Variants in VRK2 observed in about 807,000 individuals in gnomAD.
VRK2 encodes serine/threonine-protein kinase VRK2.
A neutral mutation model predicts 57.6 loss-of-function variants in VRK2; 60 were observed. The ratio of observed to expected loss-of-function variants is 1.04; its 90% CI spans 0.85 to 1.29. The LOEUF is 1.29. Among genes scored for constraint, VRK2 ranks in the 50% most tolerant of loss-of-function variants. The probability of loss-of-function intolerance (pLI) is 0.00; values close to 1 mark genes in which losing one functional copy is unlikely to be tolerated. For missense variants in VRK2, 705 were observed against 588.1 expected (o/e 1.20, Z -2.06); for synonymous variants, 231 against 199.2 (o/e 1.16, Z -1.35).
chr2:58,148,802 T>G (rs1032067299), intron 12 of VRK2, among the ~76,000 whole-genome samples: 1 of 151,900 alleles, frequency 6.6e-6, no homozygotes. Context: ...TTTTCAAAAG[T>G]CAGCTAACTG....
intron 2 of VRK2, among the ~76,000 whole-genome samples, chr2:58,059,106 ATAT>A (rs1488729644): frequency 2.0e-5 from 3 of 152,044 alleles, no homozygotes; most frequent in African/African-American, 4.8e-5. Context: ...TATGTTTTTG[ATAT>A]TATTAAGATC....
intron 1 of VRK2, among the ~76,000 whole-genome samples, chr2:57,934,950 T>C (rs369866937): frequency 1.3e-5 from 2 of 152,210 alleles, no homozygotes; most frequent in East Asian, 3.8e-4. Context: ...TTAATTGAAT[T>C]TCTTGTTTTG....
chr2:58,017,413 C>T (rs1024702847), intron 1 of VRK2, among the ~76,000 whole-genome samples: 1 of 152,214 alleles, frequency 6.6e-6, no homozygotes, highest in Non-Finnish European at 1.5e-5. Flanking sequence ...CACAGGCAAA[C>T]TTCCTCCATC....
intron 1 of VRK2, among the ~76,000 whole-genome samples, chr2:57,994,739 C>A (rs1288109817): frequency 6.7e-6 from 1 of 149,570 alleles, no homozygotes; most frequent in Non-Finnish European, 1.5e-5. Context: ...TGCTATTTTA[C>A]AAATTAAACC....
intron 7 of VRK2, among the ~76,000 whole-genome samples, chr2:58,103,801 A>G (rs1178126906): frequency 6.6e-6 from 1 of 151,738 alleles, no homozygotes; most frequent in Non-Finnish European, 1.5e-5. Flanking sequence ...CAAAAAAGAA[A>G]ACGTTGGATC....
At chr2:57,918,236 A>G (rs1015403565) in intron 1 of VRK2, among the ~76,000 whole-genome samples, 1 of 152,122 alleles carries the variant, frequency 6.6e-6, no homozygotes, top group Non-Finnish European at 1.5e-5. Context: ...CTTCCTTTCC[A>G]TATCCTTGGC....
intron 1 of VRK2, among the ~76,000 whole-genome samples, chr2:58,019,367 A>T (rs1673680091): frequency 6.6e-6 from 1 of 152,198 alleles, no homozygotes; most frequent in Admixed American, 6.5e-5. Flanking sequence ...ACATGTAAAC[A>T]TTATGCAATA....
At chr2:57,918,331 A>T (rs1008793379) in intron 1 of VRK2, among the ~76,000 whole-genome samples, 2 of 131,406 alleles carry the variant, frequency 1.5e-5, no homozygotes, top group Non-Finnish European at 3.1e-5. Context: ...GCTCATGCTA[A>T]TGCCACTTTT....
chr2:58,042,656 T>C (rs905438635), upstream of VRK2, among the ~76,000 whole-genome samples: 1 of 152,228 alleles, frequency 6.6e-6, no homozygotes, highest in Non-Finnish European at 1.5e-5. Context: ...GTAAGCATTT[T>C]ATAGCACCCA....
intron 2 of VRK2, among the ~76,000 whole-genome samples, chr2:58,059,778 A>T (rs1307105549): frequency 6.6e-6 from 1 of 151,796 alleles, no homozygotes; most frequent in East Asian, 1.9e-4. Context: ...TAGACAACAG[A>T]TAGTTATTAG....
chr2:58,026,139 A>G (rs1177927058), intron 2 of VRK2, among the ~76,000 whole-genome samples: 1 of 152,052 alleles, frequency 6.6e-6, no homozygotes, highest in African/African-American at 2.4e-5. Flanking sequence ...CACTTGTTCC[A>G]TTGCATAATG....
At chr2:57,970,420 G>C (rs1232168557) in intron 1 of VRK2, among the ~76,000 whole-genome samples, 1 of 150,984 alleles carries the variant, frequency 6.6e-6, no homozygotes, top group East Asian at 1.9e-4. Flanking sequence ...AAAAGATCTT[G>C]GCTTGAATTC....
At chr2:58,097,630 G>T (rs1381814764) in intron 7 of VRK2, among the ~76,000 whole-genome samples, 5 of 152,040 alleles carry the variant, frequency 3.3e-5, no homozygotes, top group Non-Finnish European at 5.9e-5. Flanking sequence ...TACAACAGTG[G>T]TCCTGTAAGA....
At chr2:58,006,661 G>T (rs967507585) in intron 1 of VRK2, among the ~76,000 whole-genome samples, 1 of 152,126 alleles carries the variant, frequency 6.6e-6, no homozygotes, top group Non-Finnish European at 1.5e-5. Context: ...CAAGAGGCAG[G>T]ATTCAATCTC....
At chr2:58,003,648 CT>C (rs1479978856) in intron 1 of VRK2, among the ~76,000 whole-genome samples, 4 of 151,992 alleles carry the variant, frequency 2.6e-5, no homozygotes, top group Non-Finnish European at 5.9e-5. Flanking sequence ...TGTCCTCTAC[CT>C]TTTCTGGCAA....
rs1558614915 is a variant in VRK2 at position 58,084,955 on chromosome 2, GTAAAATTAGCAAAGCAAGCTACTTCCA to G, written c.256+8_256+34del. 6.4e-7 allele frequency: 1 copy of G among 1,574,736 alleles called. No individual in the cohort carries two copies. Among genetic ancestry groups the G allele is most frequent in the African/African-American group, 1.4e-5 (1 of 73,116 alleles). On this transcript the variant is annotated splice_donor_region_variant and intron_variant, in intron 4 of 12. Transcript: ENST00000340157. ...GAGTTGCAAAAAAAGACTGTAGTAAGTAAAATTAGCAAAGCAAGCTACTTCCATATATGTGCTTGCTAAAGTGAGTGT... is the reference window on the plus strand; with the variant it reads ...GAGTTGCAAAAAAAGACTGTAGTAAGTATATGTGCTTGCTAAAGTGAGTGT...
intron 2 of VRK2, among the ~76,000 whole-genome samples, chr2:58,066,740 T>A (rs930592505): frequency 2.0e-5 from 3 of 152,190 alleles, no homozygotes; most frequent in Non-Finnish European, 4.4e-5. Flanking sequence ...TTAAAAAAAA[T>A]GGTTTCACTT....
chr2:57,936,488 C>G (rs891768133), intron 1 of VRK2, among the ~76,000 whole-genome samples: 2 of 151,234 alleles, frequency 1.3e-5, no homozygotes, highest in African/African-American at 4.9e-5. Context: ...TTTACTTTTA[C>G]TCCTTGCTTT....
chr2:57,985,380 G>A (rs1672563466), intron 1 of VRK2, among the ~76,000 whole-genome samples: 3 of 151,894 alleles, frequency 2.0e-5, no homozygotes, highest in Admixed American at 6.6e-5. Flanking sequence ...ATATTTCTGT[G>A]GCTATTTTGT....
Sources: gnomAD v4.1 joint callset for allele counts (sites outside exome capture counted in the v4.1 genomes callset) on GRCh38, gnomAD v4.1.1 for gene constraint, MANE v1.5 for transcripts, NCBI Gene and HGNC (gene_info 2026-07-23, HGNC 2026-07-21) for gene names.